Variants in NSD2 observed in about 807,000 individuals in gnomAD.
NSD2 encodes nuclear receptor binding SET domain protein 2.
Under a neutral mutation model 139.0 loss-of-function variants are expected in NSD2, and 12 were observed. The ratio of observed to expected loss-of-function variants is 0.09; its 90% CI spans 0.06 to 0.14. The LOEUF (loss-of-function observed/expected upper bound fraction) is 0.14. Among genes scored for constraint, NSD2 ranks in the 10% least tolerant of loss-of-function variants. NSD2 has a pLI of 1.00. For synonymous variants in NSD2, 669 were observed against 648.7 expected (o/e 1.03, Z -0.48); for missense variants, 1,155 against 1,745.0 (o/e 0.66, Z 6.02).
intron 18 of NSD2, among the ~76,000 whole-genome samples, chr4:1,962,452 G>A (rs896053904): frequency 5.9e-5 from 9 of 152,170 alleles, no homozygotes; most frequent in Non-Finnish European, 1.2e-4. Context: ...TTGTGGCTGC[G>A]CAAGAGAATG....
intron 18 of NSD2, among the ~76,000 whole-genome samples, chr4:1,968,619 T>C (rs964084461): frequency 2.0e-5 from 3 of 151,968 alleles, no homozygotes; most frequent in African/African-American, 7.3e-5. Context: ...ATAATAGTAA[T>C]TAGAAAGCAC....
intron 1 of NSD2, chr4:1,892,063 A>T (rs767370639): frequency 1.3e-5 from 2 of 152,064 alleles, no homozygotes; most frequent in Non-Finnish European, 2.9e-5. Context: ...CCTCAAGAAT[A>T]AGGAAGGCAT....
chr4:1,898,992 T>C (rs997191495), intron 1 of NSD2, among the ~76,000 whole-genome samples: 6 of 152,162 alleles, frequency 3.9e-5, no homozygotes, highest in African/African-American at 1.4e-4. Flanking sequence ...GGTGGTTTTT[T>C]ATGTTTTGTC....
At chr4:1,905,421 A>G (rs1717759252) in intron 3 of NSD2, among the ~76,000 whole-genome samples, 1 of 152,246 alleles carries the variant, frequency 6.6e-6, no homozygotes, top group Admixed American at 6.5e-5. Flanking sequence ...ATTGCTGACC[A>G]GTCAGCCTCT....
chr4:1,928,634 T>G (rs933823433), intron 5 of NSD2, among the ~76,000 whole-genome samples: 15 of 151,906 alleles, frequency 9.9e-5, no homozygotes, highest in Non-Finnish European at 2.2e-4. Flanking sequence ...TGAGGCGAGG[T>G]GGCTGCAGGG....
chr4:1,953,129 C>T, intron 11 of NSD2, 195 bp from the exon 12 acceptor site: 1 of 1,542,902 alleles, frequency 6.5e-7, no homozygotes, highest in Non-Finnish European at 8.8e-7. Flanking sequence ...CAGATCGCAG[C>T]AAGGTAATCC....
chr4:1,978,565 A>G (rs1409890990), intron 21 of NSD2, 73 bp from the exon 22 acceptor site: 6 of 1,536,726 alleles, frequency 3.9e-6, no homozygotes, highest in African/African-American at 1.4e-5. Context: ...GTTGTAAGTC[A>G]TCTTCAACCA....
intron 1 of NSD2, among the ~76,000 whole-genome samples, chr4:1,872,627 A>AGC (rs1713936755): frequency 7.0e-6 from 1 of 143,334 alleles, no homozygotes; most frequent in African/African-American, 2.6e-5. Flanking sequence ...AGAGAGAGAG[A>AGC]GAGAGAGAGC....
At chr4:1,901,566 T>C (rs1717179506) in intron 2 of NSD2, among the ~76,000 whole-genome samples, 1 of 152,216 alleles carries the variant, frequency 6.6e-6, no homozygotes, top group Non-Finnish European at 1.5e-5. Flanking sequence ...TCAGAGCCCT[T>C]GCTTGACAAC....
At chr4:1,907,876 G>T (rs1718145778) in intron 3 of NSD2, among the ~76,000 whole-genome samples, 1 of 152,140 alleles carries the variant, frequency 6.6e-6, no homozygotes, top group South Asian at 2.1e-4. Flanking sequence ...CTCCCAATGG[G>T]ATTACAGGCA....
intron 3 of NSD2, chr4:1,912,100 A>G: frequency 2.5e-6 from 1 of 401,458 alleles, no homozygotes; most frequent in Non-Finnish European, 4.9e-6. Flanking sequence ...GGTATTTTCA[A>G]ATCAAAGAAG....
chr4:1,966,243 C>T (rs536635158), intron 18 of NSD2, among the ~76,000 whole-genome samples: 2 of 152,344 alleles, frequency 1.3e-5, no homozygotes, highest in African/African-American at 4.8e-5. Context: ...GGATACCATA[C>T]AGTCACTACA....
Position 1,973,856 on chromosome 4 carries a change from TGTGCGGTG to T in NSD2, c.3373-1005_3373-998del, listed in dbSNP as rs1726767274. Among the ~76,000 whole-genome samples, 1 of 152,242 alleles carries T rather than the reference TGTGCGGTG, an allele frequency of 6.6e-6. No individual in the cohort carries two copies. The highest frequency in any genetic ancestry group is 2.4e-5 in the African/African-American group (1 of 41,466). Reference sequence around the variant, plus strand: ...GCCTTTTGATTTCTCCCCACGCGGTTGTGCGGTGGATCTGGCGGCTCCTCAGGTGGAGG... The same window carrying T: ...GCCTTTTGATTTCTCCCCACGCGGTTGATCTGGCGGCTCCTCAGGTGGAGG... On this transcript the variant is annotated intron_variant, in intron 18 of 21. Transcript: ENST00000508803. The surrounding 1 kb of genome is among the most constrained non-coding windows in gnomAD (Gnocchi z 5.5).
At chr4:1,943,171 T>C in intron 9 of NSD2, 1 of 1,042,284 alleles carries the variant, frequency 9.6e-7, no homozygotes, top group East Asian at 5.7e-5. Context: ...GTCCGCATTT[T>C]TGCATGGTAA....
At chr4:1,891,398 G>C (rs1715530727) in intron 1 of NSD2, among the ~76,000 whole-genome samples, 1 of 152,194 alleles carries the variant, frequency 6.6e-6, no homozygotes, top group Admixed American at 6.5e-5. Flanking sequence ...CCGTCTCACG[G>C]CCTGGCTCTG....
chr4:1,936,915 A>C (rs1391479096), intron 7 of NSD2, among the ~76,000 whole-genome samples: 2 of 152,214 alleles, frequency 1.3e-5, no homozygotes, highest in Non-Finnish European at 2.9e-5. Context: ...GGCCCACAGA[A>C]CATTCTTCTG....
chr4:1,956,200 T>C lies in NSD2; in HGVS notation c.2881+12T>C, dbSNP rs1424315493. 2.5e-6 allele frequency: 4 copies of C among 1,583,826 alleles called. No homozygotes were observed. The highest frequency in any genetic ancestry group is 1.4e-5 in the African/African-American group (1 of 73,780). ...AGTCTTCAAAAACGGTACGGAGATA[T>C]TCAGATAGAGAGTGAGACAGCACTC... On this transcript the variant is annotated intron_variant, in intron 15 of 21. Transcript: ENST00000508803. The surrounding 1 kb of genome is among the most constrained non-coding windows in gnomAD (Gnocchi z 5.3).
Position 1,976,609 on chromosome 4 carries a change from G to A in NSD2, c.3756G>A (p.Val1252=). ...GCTGCGGTGATGGCGGGCAGCTGGT[G>A]CTGTGTGACCGCAAGTTCTGCACCA... is the stretch of plus-strand genomic sequence containing the variant. ...CFRCGDGGQL[V]LCDRKFCTKA... is the part of the protein sequence containing the mutation. The change falls in exon 21 of 22, where the codon GTG becomes GTA. Residue 1252 remains valine, a synonymous_variant. Coordinates refer to ENST00000508803, the MANE Select transcript of NSD2 (RefSeq NM_001042424.3). The surrounding 1 kb of genome is among the most constrained non-coding windows in gnomAD (Gnocchi z 5.3). 1.2e-6 allele frequency: 2 copies of A among 1,610,252 alleles called. No individual in the cohort carries two copies. The highest frequency in any genetic ancestry group is 1.7e-6 in the Non-Finnish European group (2 of 1,178,352).
chr4:1,898,853 T>TA (rs1253699564), intron 1 of NSD2, among the ~76,000 whole-genome samples: 10 of 152,090 alleles, frequency 6.6e-5, no homozygotes, highest in African/African-American at 2.4e-4. Flanking sequence ...TTATAGTTGT[T>TA]ACAGTTGCTT....
Sources: gnomAD v4.1 joint callset for allele counts (sites outside exome capture counted in the v4.1 genomes callset) on GRCh38, gnomAD v4.1.1 for gene constraint, Gnocchi (gnomAD v3.1) non-coding constraint, MANE v1.5 for transcripts, NCBI Gene and HGNC (gene_info 2026-07-23, HGNC 2026-07-21) for gene names.